FHIT: variants seen among roughly 807,000 people sequenced by gnomAD.
FHIT encodes fragile histidine triad diadenosine triphosphatase, also known as bis(5'-adenosyl)-triphosphatase.
In FHIT, 19 loss-of-function variants were observed where a neutral mutation model predicts 17.9. The observed-to-expected ratio is 1.06, with a 90% CI of 0.74 to 1.56. FHIT has a LOEUF of 1.56. FHIT is among the 40% of genes most tolerant of loss of function. The pLI, the probability that FHIT is intolerant of heterozygous loss-of-function variation, is 0.00. For synonymous variants in FHIT, 81 were observed against 69.7 expected (o/e 1.16, Z -0.81); for missense variants, 248 against 189.2 (o/e 1.31, Z -1.82).
intron 1 of FHIT, among the ~76,000 whole-genome samples, chr3:61,216,003 TA>T (rs1464000167): frequency 6.6e-6 from 1 of 152,092 alleles, no homozygotes; most frequent in Non-Finnish European, 1.5e-5. Context: ...CAAGATGCAT[TA>T]AAGACTTAAA....
At chr3:59,790,394 G>A (rs1310988626) in intron 8 of FHIT, among the ~76,000 whole-genome samples, 1 of 152,132 alleles carries the variant, frequency 6.6e-6, no homozygotes, top group East Asian at 1.9e-4. Context: ...AGTAGGAAAA[G>A]GAGGCATTTT....
chr3:60,438,236 G>C (rs373580904), intron 5 of FHIT, among the ~76,000 whole-genome samples: 1 of 151,974 alleles, frequency 6.6e-6, no homozygotes, highest in East Asian at 1.9e-4. Context: ...GACTGACCCT[G>C]TGCTGATGAT....
chr3:59,844,296 T>C (rs936528264), intron 8 of FHIT, among the ~76,000 whole-genome samples: 6 of 152,180 alleles, frequency 3.9e-5, no homozygotes, highest in Admixed American at 3.3e-4. Context: ...ATTTTTCTGG[T>C]TGAATTTTTC....
At chr3:60,441,730 T>TTATATATATAAA (rs2030835193) in intron 5 of FHIT, among the ~76,000 whole-genome samples, 6 of 88,662 alleles carry the variant, frequency 6.8e-5, no homozygotes, top group Admixed American at 3.0e-4. Flanking sequence ...ATATTTGTAT[T>TTATATATATAAA]TATATATATA....
chr3:60,553,512 TATATATATAGAGAGAGAGAGAGGGAGAG>T (rs1456779739), intron 4 of FHIT: 1 of 138,216 alleles, frequency 7.2e-6, no homozygotes, highest in Non-Finnish European at 1.4e-5. Context: ...AATATATATA[TATATATATAGAGAGAGAGAGAGGGAGAG>T]AGAGAGAGAG....
At chr3:60,594,461 A>G (rs1553665529) in intron 4 of FHIT, among the ~76,000 whole-genome samples, 2 of 152,068 alleles carry the variant, frequency 1.3e-5, no homozygotes, top group African/African-American at 2.4e-5. Context: ...ACAACTGCCA[A>G]CTTCCCCAAG....
rs138047841 is a variant in FHIT, at chr3:60,324,614, T to C, written c.103+212246A>G. ...AATTCCAGTTACTAGCAACTGACAA[T>C]AGAGTTGTGGTTGAAAAGGGATTAA... On this transcript the variant is annotated intron_variant, in intron 5 of 9. Transcript: ENST00000492590. Among the ~76,000 whole-genome samples the C allele has an allele frequency of 4.9e-3, 724 of 147,396 alleles. 3 individuals are homozygous for C. The highest frequency in any genetic ancestry group is 8.2e-3 in the Non-Finnish European group (548 of 66,986).
intron 5 of FHIT, among the ~76,000 whole-genome samples, chr3:60,447,542 C>T (rs2031425908): frequency 6.6e-6 from 1 of 152,048 alleles, no homozygotes; most frequent in African/African-American, 2.4e-5. Context: ...GTCAGCAGGC[C>T]TCAAAGAAAC....
intron 4 of FHIT, among the ~76,000 whole-genome samples, chr3:60,609,100 G>C (rs577109919): frequency 6.6e-6 from 1 of 151,964 alleles, no homozygotes; most frequent in South Asian, 2.1e-4. Context: ...AATGGACATG[G>C]ATCATTTTCA....
chr3:60,350,229 C>T lies in FHIT; in HGVS notation c.103+186631G>A, dbSNP rs779895451. The stretch of plus-strand genomic sequence containing the variant: ...TCCCAACTCAGATGCCTGAAGAAGC[C>T]AGGGCAGGTATAGTAAGCAAGCAGG... On this transcript the variant is annotated intron_variant, in intron 5 of 9. Transcript: ENST00000492590. 9.3e-4 allele frequency among the ~76,000 whole-genome samples: 141 copies of T among 151,972 alleles called. 1 individual carries two copies. The highest frequency in any genetic ancestry group is 1.4e-3 in the Non-Finnish European group (94 of 67,992).
At chr3:59,942,415 G>A (rs1706569475) in intron 7 of FHIT, among the ~76,000 whole-genome samples, 1 of 152,018 alleles carries the variant, frequency 6.6e-6, no homozygotes, top group African/African-American at 2.4e-5. Flanking sequence ...CTCCTCATAC[G>A]CCTGTGGACA....
chr3:60,738,436 A>G (rs369109463), intron 4 of FHIT, among the ~76,000 whole-genome samples: 1 of 152,184 alleles, frequency 6.6e-6, no homozygotes, highest in South Asian at 2.1e-4. Flanking sequence ...TCTGCAGCCT[A>G]AACAAGCCGT....
intron 2 of FHIT, among the ~76,000 whole-genome samples, chr3:61,095,480 G>C (rs1286904926): frequency 1.3e-5 from 2 of 152,064 alleles, no homozygotes; most frequent in African/African-American, 2.4e-5. Flanking sequence ...GTGCAAACAG[G>C]ATTTTATGCA....
intron 4 of FHIT, among the ~76,000 whole-genome samples, chr3:60,705,982 T>C (rs1363238119): frequency 1.3e-5 from 2 of 152,236 alleles, no homozygotes; most frequent in Admixed American, 6.5e-5. Flanking sequence ...ACATAGGCCA[T>C]TGTCATGGCA....
intron 8 of FHIT, among the ~76,000 whole-genome samples, chr3:59,879,435 G>A (rs1474809286): frequency 1.3e-5 from 2 of 152,104 alleles, no homozygotes; most frequent in Admixed American, 6.5e-5. Flanking sequence ...TAGGATCTCT[G>A]GGGTATGATA....
At chr3:61,176,167 T>A (rs1053893179) in intron 2 of FHIT, among the ~76,000 whole-genome samples, 1 of 152,374 alleles carries the variant, frequency 6.6e-6, no homozygotes, top group East Asian at 1.9e-4. Context: ...CTGAAACTCT[T>A]CCTTGAATAA....
At chr3:60,092,321 T>C (rs970541868) in intron 5 of FHIT, among the ~76,000 whole-genome samples, 3 of 152,220 alleles carry the variant, frequency 2.0e-5, no homozygotes, top group African/African-American at 7.2e-5. Flanking sequence ...TTGTATGACA[T>C]GGCCTCAGAA....
chr3:59,773,201 C>A (rs9872138), intron 8 of FHIT, among the ~76,000 whole-genome samples: 1 of 151,598 alleles, frequency 6.6e-6, no homozygotes, highest in Non-Finnish European at 1.5e-5. Context: ...AAGCAGGCTT[C>A]GAGCAGAGCC....
At chr3:60,245,302 T>C (rs970181070) in intron 5 of FHIT, among the ~76,000 whole-genome samples, 9 of 152,088 alleles carry the variant, frequency 5.9e-5, no homozygotes, top group Non-Finnish European at 1.0e-4. Flanking sequence ...AACATACATA[T>C]TGTCAACCAT....
Sources: allele counts gnomAD v4.1 joint callset (sites outside exome capture counted in the v4.1 genomes callset), GRCh38; gene constraint gnomAD v4.1.1; transcripts MANE v1.5; gene names NCBI Gene and HGNC (gene_info 2026-07-23, HGNC 2026-07-21).